Variants in CHEK1 observed in about 807,000 individuals in gnomAD.
CHEK1 encodes the protein checkpoint kinase 1, also known as serine/threonine-protein kinase Chk1.
CHEK1 carries 32 observed loss-of-function variants against 60.2 expected under a neutral mutation model. The observed-to-expected ratio is 0.53, with a 90% CI of 0.40 to 0.71. The LOEUF is 0.71. CHEK1 is among the 30% of genes least tolerant of loss of function. The probability of loss-of-function intolerance (pLI) is 0.00; values close to 1 mark genes in which losing one functional copy is unlikely to be tolerated. For missense variants in CHEK1, 399 were observed against 564.6 expected, an observed-to-expected ratio of 0.71 and a Z score of 2.97; for synonymous variants, 179 against 187.2, an observed-to-expected ratio of 0.96 and a Z score of 0.36.
chr11:125,665,281 T>G (rs1942079964), intron 13 of CHEK1, among the ~76,000 whole-genome samples: 1 of 151,608 alleles, frequency 6.6e-6, no homozygotes, highest in Admixed American at 6.6e-5. Flanking sequence ...ATATGTCATG[T>G]TTATTGATTT....
downstream of CHEK1, among the ~76,000 whole-genome samples, chr11:125,678,978 T>A (rs866690716): frequency 5.0e-4 from 44 of 88,402 alleles, 3 homozygotes; most frequent in African/African-American, 1.7e-3. Context: ...TCTAGGCATA[T>A]TATATATATA....
intron 8 of CHEK1, 116 bp from the exon 9 acceptor site, chr11:125,643,676 G>T: frequency 2.9e-6 from 2 of 697,322 alleles, no homozygotes; most frequent in Non-Finnish European, 4.6e-6. Context: ...CAAAAATTTT[G>T]TGTTAAATAA....
chr11:125,678,207 T>G, downstream of CHEK1: 1 of 1,613,542 alleles, frequency 6.2e-7, no homozygotes, highest in Non-Finnish European at 8.5e-7. Context: ...ATCAGAAGGG[T>G]TTTCAAGTGA....
At chr11:125,647,623 ATTC>A (rs1941552066) in intron 11 of CHEK1, among the ~76,000 whole-genome samples, 2 of 152,090 alleles carry the variant, frequency 1.3e-5, no homozygotes, top group South Asian at 4.1e-4. Flanking sequence ...TATATTGAGT[ATTC>A]TTTATTCAAG....
At position 125,655,346 on chromosome 11, in the gene CHEK1, T is replaced by C. The variant is rs1177289255; in HGVS notation, c.*26T>C. On this transcript the variant is annotated 3_prime_UTR_variant, in exon 13 of 13. Transcript: ENST00000438015. ...TCGGACCATCGGCTCTGGGGAATCC[T>C]GGTGAATATAGTGCTGCTATGTTGA... 1 of 1,490,334 alleles carries C rather than the reference T, an allele frequency of 6.7e-7. No homozygotes were observed. The highest frequency in any genetic ancestry group is 9.4e-7 in the Non-Finnish European group (1 of 1,068,962). 92.3% of individuals were successfully genotyped at this position (1,490,334 alleles called of 1,614,324 possible). A position where few individuals can be genotyped will look rare whatever the true frequency, so the allele number is the denominator to read the frequency against.
At chr11:125,627,407 G>A (rs928836249) in intron 2 of CHEK1, among the ~76,000 whole-genome samples, 200 bp from the exon 3 acceptor site, 3 of 152,286 alleles carry the variant, frequency 2.0e-5, no homozygotes, top group Middle Eastern at 3.4e-3. Flanking sequence ...GCATAATGAC[G>A]TCTTTGGAGG....
chr11:125,673,393 G>A (rs962618246), intron 13 of CHEK1, among the ~76,000 whole-genome samples: 1 of 151,736 alleles, frequency 6.6e-6, no homozygotes, highest in Non-Finnish European at 1.5e-5. Context: ...ATTAGAGACG[G>A]GGTTTCACCA....
chr11:125,654,474 T>C (rs893990645), intron 12 of CHEK1, among the ~76,000 whole-genome samples: 9 of 152,184 alleles, frequency 5.9e-5, no homozygotes, highest in African/African-American at 2.2e-4. Context: ...TAATAAAAAT[T>C]ATGATTTGTT....
At chr11:125,678,863 T>C (rs1942645079), downstream of CHEK1, among the ~76,000 whole-genome samples, 1 of 151,210 alleles carries the variant, frequency 6.6e-6, no homozygotes, top group African/African-American at 2.4e-5. Flanking sequence ...AAGCCGCCTG[T>C]ATTTGGTAAT....
chr11:125,634,443 CT>C (rs1940986759), intron 6 of CHEK1, among the ~76,000 whole-genome samples: 1 of 152,170 alleles, frequency 6.6e-6, no homozygotes, highest in Non-Finnish European at 1.5e-5. Context: ...CTGCCTCAGT[CT>C]CCTCAGTATC....
intron 2 of CHEK1, 36 bp from the exon 3 acceptor site, chr11:125,627,571 G>T (rs491528): frequency 0.3 from 455,239 of 1,519,738 alleles, 69,377 homozygotes; most frequent in East Asian, 0.41. Context: ...TAGAAGAAAT[G>T]GAATTCTGTA....
chr11:125,679,061 TGTC>T (rs1942668868), downstream of CHEK1, among the ~76,000 whole-genome samples: 1 of 146,644 alleles, frequency 6.8e-6, no homozygotes, highest in Non-Finnish European at 1.5e-5. Context: ...TTCATGGAGT[TGTC>T]CTGAGTACTT....
chr11:125,631,419 G>A (rs1289483461), intron 5 of CHEK1, among the ~76,000 whole-genome samples: 1 of 151,904 alleles, frequency 6.6e-6, no homozygotes, highest in Non-Finnish European at 1.5e-5. Context: ...TTTATTATGT[G>A]CAGTTCTCTA....
downstream of CHEK1, among the ~76,000 whole-genome samples, chr11:125,661,885 G>A (rs1307564918): frequency 1.3e-5 from 2 of 152,136 alleles, no homozygotes; most frequent in African/African-American, 4.8e-5. Flanking sequence ...GTAGTTGTAA[G>A]AGTTAATACT....
At chr11:125,674,520 G>A (rs1591435787) in intron 13 of CHEK1, among the ~76,000 whole-genome samples, 1 of 152,330 alleles carries the variant, frequency 6.6e-6, no homozygotes, top group Admixed American at 6.5e-5. Context: ...AAACAGGGAT[G>A]CAGAATGAGT....
chr11:125,633,998 GTT>G (rs10626345), intron 6 of CHEK1, among the ~76,000 whole-genome samples: 1 of 126,954 alleles, frequency 7.9e-6, no homozygotes. Flanking sequence ...CTCTATTGTG[GTT>G]TTTTTTTTTT....
chr11:125,649,895 A>G (rs538883750), intron 11 of CHEK1: 1 of 152,322 alleles, frequency 6.6e-6, no homozygotes, highest in South Asian at 2.1e-4. Flanking sequence ...TGATTATGCC[A>G]CTACTGCCTT....
Position 125,633,192 on chromosome 11 carries a change from G to A in CHEK1, c.454G>A (p.Ala152Thr). ...CCTCAAAATCTCAGACTTTGGCTTGGCAACAGTATTTCGGTATAATAATCG... is the reference window on the plus strand; with the variant it reads ...CCTCAAAATCTCAGACTTTGGCTTGACAACAGTATTTCGGTATAATAATCG... Reference protein sequence around the residue: ...DNLKISDFGLATVFRYNNRER... With the variant: ...DNLKISDFGLTTVFRYNNRER... Residue 152 changes from alanine to threonine, a missense_variant, in exon 6 of 13, where the codon GCA (alanine) becomes ACA (threonine). Physicochemically the swap from Ala to Thr is moderately conservative, Grantham distance 58. Transcript: ENST00000438015. 1 of 1,595,552 alleles carries A rather than the reference G, an allele frequency of 6.3e-7. No homozygotes were observed. Among genetic ancestry groups the A allele is most frequent in the Non-Finnish European group, 8.5e-7 (1 of 1,174,812 alleles).
At chr11:125,675,292 C>A (rs1306680710) in intron 13 of CHEK1, among the ~76,000 whole-genome samples, 1 of 152,204 alleles carries the variant, frequency 6.6e-6, no homozygotes, top group Non-Finnish European at 1.5e-5. Context: ...TCCCTGAACT[C>A]TCTGCACTTT....
Sources: allele counts gnomAD v4.1 joint callset (sites outside exome capture counted in the v4.1 genomes callset), GRCh38; gene constraint gnomAD v4.1.1; transcripts MANE v1.5; gene names NCBI Gene and HGNC (gene_info 2026-07-23, HGNC 2026-07-21).